The following GRM5 variants were observed in gnomAD, a reference collection of about 807,000 sequenced individuals.
GRM5 encodes the protein glutamate metabotropic receptor 5.
In GRM5, 19 loss-of-function variants were observed where a neutral mutation model predicts 83.1. That is an observed-to-expected ratio of 0.23 (90% CI 0.16 to 0.34). The LOEUF (loss-of-function observed/expected upper bound fraction) is 0.34. Ranked by LOEUF, GRM5 falls within the 10% of genes least tolerant of loss-of-function variation. The probability of loss-of-function intolerance (pLI) is 1.00; values close to 1 mark genes in which losing one functional copy is unlikely to be tolerated. For missense variants in GRM5, 1,160 were observed against 1,588.3 expected, an observed-to-expected ratio of 0.73 and a Z score of 4.58; for synonymous variants, 675 against 633.6, an observed-to-expected ratio of 1.07 and a Z score of -0.98.
rs536656823 is a variant in GRM5 at position 88,838,301 on chromosome 11, A to C, written c.911+11605T>G. ...AGAAAACACACAGCTTCATTCCACT[A>C]TCTTCCTACTATCCCTTCTGGGGAT... On this transcript the variant is annotated intron_variant, in intron 3 of 9. Coordinates refer to ENST00000305447, the MANE Select transcript of GRM5 (RefSeq NM_001143831.3). 4.3e-4 allele frequency among the ~76,000 whole-genome samples: 66 copies of C among 152,176 alleles called. 1 individual carries two copies. The highest frequency in any genetic ancestry group is 2.4e-4 in the Non-Finnish European group (16 of 68,014).
chr11:89,012,144 AAAC>A lies in GRM5; in HGVS notation c.661+35065_661+35067del, dbSNP rs370144101. On this transcript the variant is annotated intron_variant, in intron 2 of 9. Coordinates refer to ENST00000305447, the MANE Select transcript of GRM5 (RefSeq NM_001143831.3). ...TGAAGAATGGAAGAGACAAAAGAAG[AAAC>A]AAATAATTTAGAAGCAGAAAATCGA... Among the ~76,000 whole-genome samples the A allele has an allele frequency of 8.9e-4, 135 of 152,322 alleles. 1 individual carries two copies. In the East Asian group the frequency reaches 0.023, roughly 26 times the overall value.
intron 2 of GRM5, among the ~76,000 whole-genome samples, chr11:89,017,174 C>A (rs1195112809): frequency 6.6e-6 from 1 of 152,136 alleles, no homozygotes. Flanking sequence ...TGAAATTCAT[C>A]AGTGCATCCT....
Position 88,757,424 on chromosome 11 carries a change from C to A in GRM5, c.911+92482G>T, listed in dbSNP as rs1591492529. Among the ~76,000 whole-genome samples, 4 of 152,148 alleles carry A rather than the reference C, an allele frequency of 2.6e-5. No homozygotes were observed. The East Asian group carries it at 7.7e-4, about 29-fold the overall frequency. Reference sequence around the variant, plus strand: ...ATTGCAGTTGGAGCCTTTGTGAACACAGAGCCTGCCAGCCTCACCCCCACC... The same window carrying A: ...ATTGCAGTTGGAGCCTTTGTGAACAAAGAGCCTGCCAGCCTCACCCCCACC... On this transcript the variant is annotated intron_variant, in intron 3 of 9. Coordinates refer to ENST00000305447, the MANE Select transcript of GRM5 (RefSeq NM_001143831.3).
At chr11:88,623,642 C>T (rs1397617459) in intron 4 of GRM5, among the ~76,000 whole-genome samples, 4 of 152,146 alleles carry the variant, frequency 2.6e-5, no homozygotes, top group African/African-American at 7.2e-5. Flanking sequence ...GAATGTAACC[C>T]AGGCTCAGTA....
At chr11:89,001,662 A>C (rs999582940) in intron 2 of GRM5, among the ~76,000 whole-genome samples, 9 of 152,102 alleles carry the variant, frequency 5.9e-5, no homozygotes, top group Non-Finnish European at 1.2e-4. Flanking sequence ...TAATTTGTAC[A>C]TAGTTTTGTA....
intron 3 of GRM5, among the ~76,000 whole-genome samples, chr11:88,668,295 T>TTG (rs1554990737): frequency 1.2e-5 from 1 of 81,666 alleles, no homozygotes; most frequent in African/African-American, 5.8e-5. Context: ...CCCCAGAAAC[T>TTG]CGCACACACA....
intron 2 of GRM5, among the ~76,000 whole-genome samples, chr11:89,010,755 T>C (rs1181260645): frequency 3.3e-5 from 5 of 151,012 alleles, no homozygotes; most frequent in Admixed American, 6.6e-5. Context: ...AACTGGATAA[T>C]GGGAGAATAG....
intron 2 of GRM5, among the ~76,000 whole-genome samples, chr11:88,969,045 G>T (rs530548712): frequency 6.6e-6 from 1 of 151,944 alleles, no homozygotes; most frequent in Non-Finnish European, 1.5e-5. Context: ...ATAGACAGGA[G>T]GAAATAAGGG....
intron 8 of GRM5, among the ~76,000 whole-genome samples, chr11:88,534,792 G>T (rs1016005986): frequency 6.6e-6 from 1 of 152,202 alleles, no homozygotes; most frequent in Non-Finnish European, 1.5e-5. Context: ...ATCTTCACTT[G>T]TACTCCCATG....
intron 2 of GRM5, among the ~76,000 whole-genome samples, chr11:88,992,935 T>C (rs1297224384): frequency 5.9e-5 from 9 of 151,562 alleles, no homozygotes; most frequent in Non-Finnish European, 1.3e-4. Context: ...TTAATGGGTG[T>C]AGCACACCAA....
At chr11:88,572,108 G>A in intron 7 of GRM5, among the ~76,000 whole-genome samples, 1 of 152,200 alleles carries the variant, frequency 6.6e-6, no homozygotes, top group Non-Finnish European at 1.5e-5. Context: ...TCTAGCTCCA[G>A]TTTGAGCATG....
chr11:88,694,695 C>G (rs1484185942), intron 3 of GRM5, among the ~76,000 whole-genome samples: 1 of 151,950 alleles, frequency 6.6e-6, no homozygotes, highest in Non-Finnish European at 1.5e-5. Context: ...GACCATATAA[C>G]TGAAGATGAT....
chr11:88,686,229 C>G (rs1329396877), intron 3 of GRM5, among the ~76,000 whole-genome samples: 1 of 152,156 alleles, frequency 6.6e-6, no homozygotes, highest in Non-Finnish European at 1.5e-5. Context: ...CATTTTGAAC[C>G]TTTAAAATTT....
intron 2 of GRM5, among the ~76,000 whole-genome samples, chr11:88,964,725 G>T (rs1938892486): frequency 6.6e-6 from 1 of 152,116 alleles, no homozygotes; most frequent in South Asian, 2.1e-4. Flanking sequence ...ACAGAGAGAA[G>T]TTCTTCAAGA....
intron 2 of GRM5, among the ~76,000 whole-genome samples, chr11:88,991,767 A>T (rs1316679247): frequency 6.6e-6 from 1 of 152,102 alleles, no homozygotes; most frequent in East Asian, 1.9e-4. Context: ...TGGGGAAAGG[A>T]TTCCCTATTT....
intron 1 of GRM5, among the ~76,000 whole-genome samples, chr11:89,060,169 C>T (rs1043679882): frequency 1.3e-5 from 2 of 151,876 alleles, no homozygotes; most frequent in Non-Finnish European, 1.5e-5. Flanking sequence ...AAAGGAAACA[C>T]GGTAAATTTT....
chr11:88,692,469 AC>A (rs536173999), intron 3 of GRM5, among the ~76,000 whole-genome samples: 3 of 151,642 alleles, frequency 2.0e-5, no homozygotes, highest in East Asian at 1.9e-4. Flanking sequence ...AACAATTCCA[AC>A]CCCCCCACAG....
chr11:88,647,247 T>C (rs1243360007), intron 4 of GRM5, among the ~76,000 whole-genome samples: 1 of 152,018 alleles, frequency 6.6e-6, no homozygotes, highest in Non-Finnish European at 1.5e-5. Context: ...AATGAGCCTA[T>C]TTCTAAAGAA....
At chr11:88,924,315 A>C (rs1046510845) in intron 2 of GRM5, among the ~76,000 whole-genome samples, 3 of 152,098 alleles carry the variant, frequency 2.0e-5, no homozygotes, top group Non-Finnish European at 4.4e-5. Flanking sequence ...TATCTATGTA[A>C]AGGAAATGAA....
Sources: allele counts gnomAD v4.1 joint callset (sites outside exome capture counted in the v4.1 genomes callset), GRCh38; gene constraint gnomAD v4.1.1; transcripts MANE v1.5; gene names NCBI Gene and HGNC (gene_info 2026-07-23, HGNC 2026-07-21).